The following UST variants were observed in gnomAD, a reference collection of about 807,000 sequenced individuals.
UST encodes the protein chondroitin sulfate 2-O-sulfotransferase.
In UST, 21 loss-of-function variants were observed where a neutral mutation model predicts 45.6. The ratio of observed to expected loss-of-function variants is 0.46; its 90% CI spans 0.33 to 0.66. UST has a LOEUF of 0.66. Among genes scored for constraint, UST ranks in the 30% least tolerant of loss-of-function variants. The probability of loss-of-function intolerance (pLI) is 0.02; values close to 1 mark genes in which losing one functional copy is unlikely to be tolerated. For missense variants in UST, 463 were observed against 512.4 expected (o/e 0.90, Z 0.93); for synonymous variants, 215 against 200.6 (o/e 1.07, Z -0.61).
At chr6:148,939,930 A>G (rs1345191411) in intron 2 of UST, among the ~76,000 whole-genome samples, 3 of 152,192 alleles carry the variant, frequency 2.0e-5, no homozygotes, top group Non-Finnish European at 2.9e-5. Flanking sequence ...TGAAAAGACA[A>G]CTTACAGGAT....
At chr6:148,986,038 G>A (rs1781232637) in intron 5 of UST, among the ~76,000 whole-genome samples, 1 of 152,184 alleles carries the variant, frequency 6.6e-6, no homozygotes, top group Non-Finnish European at 1.5e-5. Context: ...TTTTAAGAAA[G>A]TTTCAGTCAG....
intron 7 of UST, among the ~76,000 whole-genome samples, chr6:149,044,840 G>A (rs1355047636): frequency 6.6e-6 from 1 of 152,202 alleles, no homozygotes; most frequent in Non-Finnish European, 1.5e-5. Flanking sequence ...AATAACACGT[G>A]CTTTGGATAT....
intron 5 of UST, among the ~76,000 whole-genome samples, chr6:148,991,741 T>G (rs1389080708): frequency 1.3e-5 from 2 of 152,150 alleles, no homozygotes; most frequent in Admixed American, 6.5e-5. Context: ...ATGTTACTTA[T>G]CACAACTTTG....
At chr6:148,755,313 G>C (rs1337440720) in intron 1 of UST, among the ~76,000 whole-genome samples, 1 of 152,132 alleles carries the variant, frequency 6.6e-6, no homozygotes, top group East Asian at 1.9e-4. Context: ...TGTTTCTCTT[G>C]AGTAAAATAA....
intron 1 of UST, among the ~76,000 whole-genome samples, chr6:148,826,874 T>C (rs1777577244): frequency 6.6e-6 from 1 of 152,186 alleles, no homozygotes; most frequent in South Asian, 2.1e-4. Context: ...GCCTCTCATG[T>C]TGCATCTTAC....
rs1775922614 is a variant in UST at position 148,748,445 on chromosome 6, G to GTGTGTGTA, written c.247+775_247+776insATGTGTGT. 2.1e-5 allele frequency among the ~76,000 whole-genome samples: 3 copies of GTGTGTGTA among 141,318 alleles called. No individual in the cohort carries two copies. The highest frequency in any genetic ancestry group is 7.8e-5 in the African/African-American group (3 of 38,528). The allele number at this position is 141,318 out of a possible 152,430, so 92.7% of individuals were successfully genotyped here. On this transcript the variant is annotated intron_variant, in intron 1 of 7. Coordinates refer to ENST00000367463, the MANE Select transcript of UST (RefSeq NM_005715.3). This position sits in a 1 kb window ranked among gnomAD's most constrained non-coding sequence, Gnocchi z 5.3. Reference sequence around the variant, plus strand: ...TGTGTGTGTGTGTGTGTGTGTGTGTGTGTGTGTGGTTTATTAGGAGAGAGG... The same window carrying GTGTGTGTA: ...TGTGTGTGTGTGTGTGTGTGTGTGTGTGTGTGTATGTGTGTGGTTTATTAGGAGAGAGG...
intron 1 of UST, among the ~76,000 whole-genome samples, chr6:148,764,493 C>G (rs113695589): frequency 0.037 from 5,684 of 152,170 alleles, 362 homozygotes; most frequent in African/African-American, 0.13. Context: ...CTTTCTCTTG[C>G]TATCAGGGGA....
At chr6:148,947,922 G>GA (rs11341439) in intron 3 of UST, among the ~76,000 whole-genome samples, 33,227 of 146,398 alleles carry the variant, frequency 0.23, 3,807 homozygotes, top group Middle Eastern at 0.35. Flanking sequence ...AAACTTGGTG[G>GA]AAAAAAAAAA....
chr6:149,015,778 A>G (rs1775887808), intron 5 of UST, among the ~76,000 whole-genome samples: 1 of 152,246 alleles, frequency 6.6e-6, no homozygotes, highest in Admixed American at 6.5e-5. Context: ...TAGACCAAAG[A>G]TAAATCATGA....
At chr6:149,040,431 C>T (rs759670130) in intron 7 of UST, among the ~76,000 whole-genome samples, 19 of 152,106 alleles carry the variant, frequency 1.2e-4, no homozygotes, top group African/African-American at 3.4e-4. Flanking sequence ...GCCGGGCGGG[C>T]GGATCACGAG....
At chr6:148,869,784 T>C (rs982402528) in intron 1 of UST, among the ~76,000 whole-genome samples, 1 of 152,202 alleles carries the variant, frequency 6.6e-6, no homozygotes, top group Non-Finnish European at 1.5e-5. Flanking sequence ...CCCTAAAGCA[T>C]GAGAAGAATT....
At chr6:148,935,530 G>A (rs1272299035) in intron 2 of UST, among the ~76,000 whole-genome samples, 4 of 152,322 alleles carry the variant, frequency 2.6e-5, no homozygotes, top group East Asian at 1.9e-4. Flanking sequence ...TGAAGATTTC[G>A]AGATTGATCC....
chr6:148,963,678 A>G (rs1392591170), intron 4 of UST, among the ~76,000 whole-genome samples: 2 of 152,244 alleles, frequency 1.3e-5, no homozygotes, highest in African/African-American at 2.4e-5. Flanking sequence ...TCACTTTTCC[A>G]TAATTAAGAG....
intron 7 of UST, among the ~76,000 whole-genome samples, chr6:149,026,338 A>G (rs374003834): frequency 2.5e-4 from 38 of 152,252 alleles, no homozygotes; most frequent in African/African-American, 8.7e-4. Flanking sequence ...AAAAGTAAAA[A>G]TGAGAAACTG....
intron 2 of UST, among the ~76,000 whole-genome samples, chr6:148,931,375 G>C (rs544334315): frequency 6.6e-6 from 1 of 152,316 alleles, no homozygotes; most frequent in South Asian, 2.1e-4. Context: ...TGTTTTATTT[G>C]GAGATTTGTG....
At chr6:148,867,286 AC>A (rs1323864328) in intron 1 of UST, among the ~76,000 whole-genome samples, 5 of 6,128 alleles carry the variant, frequency 8.2e-4, no homozygotes, top group Non-Finnish European at 2.3e-3. Flanking sequence ...ATTGTTGAAT[AC>A]ACACACACAC....
chr6:148,914,275 C>T (rs1203463913), intron 2 of UST, among the ~76,000 whole-genome samples: 3 of 151,938 alleles, frequency 2.0e-5, no homozygotes, highest in African/African-American at 4.8e-5. Flanking sequence ...TACTCTCATA[C>T]GAGAGTTCAG....
chr6:149,008,718 G>A (rs1482300773), intron 5 of UST, among the ~76,000 whole-genome samples: 1 of 152,252 alleles, frequency 6.6e-6, no homozygotes, highest in Non-Finnish European at 1.5e-5. Flanking sequence ...AACTGGAGAT[G>A]TCTATATGGA....
chr6:148,920,922 T>C (rs1312470664), intron 2 of UST, among the ~76,000 whole-genome samples: 1 of 152,220 alleles, frequency 6.6e-6, no homozygotes, highest in Non-Finnish European at 1.5e-5. Flanking sequence ...ATCAGGAGCG[T>C]CAGAAGGACA....
Sources: allele counts gnomAD v4.1 joint callset (sites outside exome capture counted in the v4.1 genomes callset), GRCh38; gene constraint gnomAD v4.1.1; non-coding constraint Gnocchi (gnomAD v3.1); transcripts MANE v1.5; gene names NCBI Gene and HGNC (gene_info 2026-07-23, HGNC 2026-07-21).